NCKAP5: variants seen among roughly 807,000 people sequenced by gnomAD.
NCKAP5 encodes the protein NCK associated protein 5, also known as nck-associated protein 5.
NCKAP5 carries 92 observed loss-of-function variants against 167.0 expected under a neutral mutation model. The observed-to-expected ratio is 0.55, with a 90% confidence interval of 0.47 to 0.66. The LOEUF (loss-of-function observed/expected upper bound fraction) is 0.66. Ranked by LOEUF, NCKAP5 falls within the 30% of genes least tolerant of loss-of-function variation. The pLI, the probability that NCKAP5 is intolerant of heterozygous loss-of-function variation, is 0.00. For missense variants in NCKAP5, 2,378 were observed against 2,315.0 expected (o/e 1.03, Z -0.56); for synonymous variants, 891 against 877.4 (o/e 1.02, Z -0.27).
At chr2:133,315,502 C>T (rs905940311) in intron 3 of NCKAP5, among the ~76,000 whole-genome samples, 2 of 151,960 alleles carry the variant, frequency 1.3e-5, no homozygotes, top group Non-Finnish European at 1.5e-5. Flanking sequence ...TCAACCAGGT[C>T]GTTAGTGCTC....
Position 132,784,522 on chromosome 2 carries a change from T to C in NCKAP5, c.2289A>G (p.Thr763=). Residue 763 remains threonine (T), a synonymous_variant, in exon 14 of 20, where the codon ACA becomes ACG. Coordinates refer to ENST00000409261, the MANE Select transcript of NCKAP5 (RefSeq NM_207363.3). Reference sequence around the variant, plus strand: ...TTTGCTGCTGAGGATTTTGTGTCACTGTCCTGGAGCTGAAAGATTCAGTGG... The same window carrying C: ...TTTGCTGCTGAGGATTTTGTGTCACCGTCCTGGAGCTGAAAGATTCAGTGG... ...RVSTESFSSR[T]VTQNPQQQKL... 6.4e-7 allele frequency: 1 copy of C among 1,567,952 alleles called. No homozygotes were observed.
intron 3 of NCKAP5, among the ~76,000 whole-genome samples, chr2:133,463,896 C>T (rs76106967): frequency 0.044 from 6,699 of 152,260 alleles, 219 homozygotes; most frequent in Non-Finnish European, 0.075. Context: ...CCTTGAGGTT[C>T]TTGCATCAGA....
chr2:133,020,079 A>T lies in NCKAP5; in HGVS notation c.342-25840T>A, dbSNP rs569863386. ...CTAAATAAATGTCAAATCCAAGCTA[A>T]TTATAACTGAAGTCATTTATGAATT... On this transcript the variant is annotated intron_variant, in intron 6 of 19. Coordinates refer to ENST00000409261, the MANE Select transcript of NCKAP5 (RefSeq NM_207363.3). Among the ~76,000 whole-genome samples the T allele has an allele frequency of 1.5e-3, 226 of 152,378 alleles. 1 individual carries two copies. Among genetic ancestry groups the T allele is most frequent in the African/African-American group, 4.5e-3 (186 of 41,588 alleles).
At chr2:133,465,178 T>G (rs561883377) in intron 3 of NCKAP5, among the ~76,000 whole-genome samples, 67 of 101,376 alleles carry the variant, frequency 6.6e-4, no homozygotes, top group African/African-American at 2.4e-3. Flanking sequence ...CCCACAACAG[T>G]CCCCAGAGTG....
chr2:133,402,599 G>A (rs1280373643), intron 3 of NCKAP5, among the ~76,000 whole-genome samples: 2 of 152,088 alleles, frequency 1.3e-5, no homozygotes, highest in African/African-American at 2.4e-5. Flanking sequence ...TCAATGGCTT[G>A]GTGCTGTCCT....
In NCKAP5 at chr2:132,778,796, C is replaced by T. The variant is rs1456871193; in HGVS notation, c.5049+2256G>A. Among the ~76,000 whole-genome samples the T allele has an allele frequency of 2.6e-5, 4 of 152,180 alleles. No homozygotes were observed. The East Asian group carries it at 7.7e-4, about 29-fold the overall frequency. Reference sequence around the variant, plus strand: ...TGTGCTGTGGTGTTAAAATACATCTCATTTTGCATCTAATCTCCTTCCTAT... The same window carrying T: ...TGTGCTGTGGTGTTAAAATACATCTTATTTTGCATCTAATCTCCTTCCTAT... On this transcript the variant is annotated intron_variant, in intron 15 of 19. Transcript: ENST00000409261.
rs188240447 is a variant in NCKAP5, at chr2:132,725,737, G to A, written c.5603C>T (p.Thr1868Met). ...GTQDKAPRMC[T>M]YSASGGSNSD... ...ATTACTGCCACCGCTGGCAGAGTAC[G>A]TACACATTCTGGGTGCCTTGTCCTA... The change falls in exon 19 of 20, where the codon ACG (threonine) becomes ATG (methionine). Residue 1868 changes from threonine to methionine, a missense_variant. Transcript: ENST00000409261. 1.7e-4 allele frequency: 278 copies of A among 1,613,370 alleles called. 1 individual carries two copies. In the Admixed American group the frequency reaches 3.6e-3, roughly 21 times the overall value.
At chr2:133,049,917 T>A (rs1573869270) in intron 6 of NCKAP5, among the ~76,000 whole-genome samples, 1 of 152,304 alleles carries the variant, frequency 6.6e-6, no homozygotes, top group East Asian at 1.9e-4. Flanking sequence ...TTCCAAGAAG[T>A]TCCAAAGGAA....
intron 2 of NCKAP5, among the ~76,000 whole-genome samples, chr2:133,522,465 C>CA (rs1452568355): frequency 6.6e-6 from 1 of 152,150 alleles, no homozygotes; most frequent in East Asian, 1.9e-4. Context: ...TTGTTATTGT[C>CA]AGTCTTCTGA....
At chr2:133,434,296 T>C (rs962880609) in intron 3 of NCKAP5, among the ~76,000 whole-genome samples, 2 of 152,238 alleles carry the variant, frequency 1.3e-5, no homozygotes, top group African/African-American at 2.4e-5. Flanking sequence ...AGGATTAGTA[T>C]AGAGAGAGCT....
the NCKAP5 span, among the ~76,000 whole-genome samples, chr2:133,664,788 G>A: frequency 6.6e-6 from 1 of 152,046 alleles, no homozygotes; most frequent in Non-Finnish European, 1.5e-5. Context: ...GTGAGCCACC[G>A]CACCCAGCCG....
intron 3 of NCKAP5, among the ~76,000 whole-genome samples, chr2:133,303,771 G>A (rs1680576058): frequency 6.6e-6 from 1 of 151,492 alleles, no homozygotes; most frequent in African/African-American, 2.4e-5. Flanking sequence ...AAATGTATCT[G>A]AAAAAAAATT....
the NCKAP5 span, among the ~76,000 whole-genome samples, chr2:133,587,277 G>A: frequency 6.6e-6 from 1 of 152,080 alleles, no homozygotes; most frequent in Non-Finnish European, 1.5e-5. Context: ...CTGCAAAATG[G>A]AGACCAGTGG....
chr2:133,551,411 ACAGAACAGAGCCCT>A (rs1687281751), intron 2 of NCKAP5, among the ~76,000 whole-genome samples: 1 of 122,608 alleles, frequency 8.2e-6, no homozygotes, highest in East Asian at 2.9e-4. Context: ...GATCAATGGA[ACAGAACAGAGCCCT>A]CAGAAATAAC....
intron 2 of NCKAP5, among the ~76,000 whole-genome samples, chr2:133,551,007 T>G (rs1263131379): frequency 6.6e-4 from 100 of 152,014 alleles, no homozygotes; most frequent in African/African-American, 1.6e-3. Flanking sequence ...GCTTCAAAGA[T>G]AATAAAATAC....
At chr2:133,123,660 A>G (rs146199993) in intron 6 of NCKAP5, 64 of 404,884 alleles carry the variant, frequency 1.6e-4, no homozygotes, top group Middle Eastern at 1.4e-3. Flanking sequence ...GGCACTCAGG[A>G]GAGCCAGCCT....
At chr2:133,439,400 A>C (rs1302859371) in intron 3 of NCKAP5, among the ~76,000 whole-genome samples, 1 of 152,332 alleles carries the variant, frequency 6.6e-6, no homozygotes, top group South Asian at 2.1e-4. Flanking sequence ...AGATTAACAA[A>C]GCTTGAAAAA....
chr2:133,595,422 ACCT>A, the NCKAP5 span, among the ~76,000 whole-genome samples: 1 of 136,716 alleles, frequency 7.3e-6, no homozygotes, highest in Non-Finnish European at 1.6e-5. Flanking sequence ...CCTCCTCCCC[ACCT>A]CCTCTTCTTC....
chr2:133,491,180 G>A (rs1681405256), intron 3 of NCKAP5, among the ~76,000 whole-genome samples: 1 of 152,216 alleles, frequency 6.6e-6, no homozygotes, highest in African/African-American at 2.4e-5. Flanking sequence ...GGTTTGCCAT[G>A]TTAGGCATCA....
Sources: allele counts gnomAD v4.1 joint callset (sites outside exome capture counted in the v4.1 genomes callset), GRCh38; gene constraint gnomAD v4.1.1; transcripts MANE v1.5; gene names NCBI Gene and HGNC (gene_info 2026-07-23, HGNC 2026-07-21).